The following CFAP61 variants were observed in gnomAD, a reference collection of about 807,000 sequenced individuals.
CFAP61 encodes cilia- and flagella-associated protein 61.
In CFAP61, 107 loss-of-function variants were observed where a neutral mutation model predicts 135.6. The observed-to-expected ratio is 0.79, with a 90% CI of 0.67 to 0.93. CFAP61 has a LOEUF of 0.93. Ranked by LOEUF, CFAP61 falls within the 40% of genes least tolerant of loss-of-function variation. CFAP61 has a pLI of 0.00. For missense variants in CFAP61, 1,507 were observed against 1,556.2 expected (o/e 0.97, Z 0.53); for synonymous variants, 575 against 578.5 (o/e 0.99, Z 0.09).
At chr20:20,207,285 A>C (rs1407766208) in intron 17 of CFAP61, among the ~76,000 whole-genome samples, 1 of 152,132 alleles carries the variant, frequency 6.6e-6, no homozygotes, top group Non-Finnish European at 1.5e-5. Flanking sequence ...TAGTAATATT[A>C]TTGCTGTTAA....
intron 17 of CFAP61, among the ~76,000 whole-genome samples, chr20:20,216,850 C>CT (rs2146928209): frequency 6.6e-6 from 1 of 151,684 alleles, no homozygotes; most frequent in South Asian, 2.1e-4. Context: ...GCGGTAAAGA[C>CT]TTAGATCTTT....
At chr20:20,177,724 A>C (rs981356723) in intron 13 of CFAP61, among the ~76,000 whole-genome samples, 4 of 150,978 alleles carry the variant, frequency 2.6e-5, no homozygotes, top group African/African-American at 4.9e-5. Flanking sequence ...GAAAGAGATC[A>C]AATGCACAGT....
chr20:20,275,174 A>G (rs1238400030), intron 21 of CFAP61, among the ~76,000 whole-genome samples: 2 of 152,204 alleles, frequency 1.3e-5, no homozygotes, highest in African/African-American at 4.8e-5. Context: ...GTAGCTGTCA[A>G]TCCAAGCAGG....
At chr20:20,092,809 G>A (rs1178817339) in intron 7 of CFAP61, among the ~76,000 whole-genome samples, 2 of 152,206 alleles carry the variant, frequency 1.3e-5, no homozygotes, top group Non-Finnish European at 2.9e-5. Context: ...CCTCTGCTAG[G>A]AGGGTTATAA....
chr20:20,215,464 A>T (rs1250063064), intron 17 of CFAP61, among the ~76,000 whole-genome samples: 1 of 152,232 alleles, frequency 6.6e-6, no homozygotes, highest in East Asian at 1.9e-4. Flanking sequence ...GAACAAGCAT[A>T]TTGGAGAAAT....
intron 6 of CFAP61, among the ~76,000 whole-genome samples, chr20:20,086,296 C>T (rs1440627060): frequency 6.8e-6 from 1 of 146,708 alleles, no homozygotes; most frequent in Non-Finnish European, 1.5e-5. Context: ...AGGTATATCT[C>T]CTAATGCTAT....
intron 2 of CFAP61, among the ~76,000 whole-genome samples, chr20:20,060,975 C>T (rs138512972): frequency 2.4e-4 from 36 of 152,322 alleles, no homozygotes; most frequent in African/African-American, 8.7e-4. Context: ...ATTTGATAGC[C>T]TGAGATACCG....
intron 9 of CFAP61, among the ~76,000 whole-genome samples, chr20:20,146,161 A>G (rs6035561): frequency 0.031 from 4,746 of 152,302 alleles, 190 homozygotes; most frequent in African/African-American, 0.089. Context: ...CTCAGTGTGT[A>G]GATTCACAGA....
chr20:20,344,114 C>A (rs917499409), intron 26 of CFAP61, among the ~76,000 whole-genome samples: 2 of 152,224 alleles, frequency 1.3e-5, no homozygotes, highest in South Asian at 4.1e-4. Context: ...ATGGGAAAGG[C>A]CACAGGAAGT....
chr20:20,338,280 C>T (rs2122353302), intron 25 of CFAP61, among the ~76,000 whole-genome samples: 1 of 152,322 alleles, frequency 6.6e-6, no homozygotes, highest in East Asian at 1.9e-4. Flanking sequence ...GCATCATTCT[C>T]TAAGGAAACC....
chr20:20,073,470 CA>C (rs1340920570), intron 3 of CFAP61, among the ~76,000 whole-genome samples: 1 of 152,128 alleles, frequency 6.6e-6, no homozygotes, highest in Non-Finnish European at 1.5e-5. Flanking sequence ...GAAAATTATT[CA>C]AAAAACAAGA....
chr20:20,306,154 A>T (rs577532227), intron 25 of CFAP61, among the ~76,000 whole-genome samples: 4 of 152,178 alleles, frequency 2.6e-5, no homozygotes, highest in Non-Finnish European at 5.9e-5. Context: ...AGGTGAGACC[A>T]TGTTTGAACT....
chr20:20,121,448 T>C (rs1334888732), intron 8 of CFAP61, among the ~76,000 whole-genome samples: 1 of 152,028 alleles, frequency 6.6e-6, no homozygotes, highest in Admixed American at 6.6e-5. Flanking sequence ...TCATTTAAAT[T>C]CATTGTTATT....
At chr20:20,329,377 G>A (rs2057894345) in intron 25 of CFAP61, among the ~76,000 whole-genome samples, 1 of 152,128 alleles carries the variant, frequency 6.6e-6, no homozygotes, top group Non-Finnish European at 1.5e-5. Context: ...TCTGTCCTGT[G>A]CTCCTGCTTC....
At chr20:20,083,569 C>T (rs1353277722) in intron 6 of CFAP61, among the ~76,000 whole-genome samples, 3 of 152,326 alleles carry the variant, frequency 2.0e-5, no homozygotes, top group Middle Eastern at 3.4e-3. Context: ...AAACTTTTAA[C>T]TCTTAAGGCA....
At chr20:20,309,149 T>C (rs2056662684) in intron 25 of CFAP61, among the ~76,000 whole-genome samples, 1 of 152,212 alleles carries the variant, frequency 6.6e-6, no homozygotes, top group Admixed American at 6.5e-5. Flanking sequence ...AGGTGCAGCA[T>C]TCTCCTTCTT....
At position 20,056,630 on chromosome 20, in the gene CFAP61, T is replaced by G. The variant is rs2044357610; in HGVS notation, c.-24T>G. The G allele has an allele frequency of 6.2e-7, 1 of 1,610,522 alleles. No individual in the cohort carries two copies. The highest frequency in any genetic ancestry group is 1.3e-5 in the African/African-American group (1 of 74,570). ...ATCAGATTAATAGTGGACTTTTTTC[T>G]CTCTTTTGGGGACAGGATAAAAAAT... On this transcript the variant is annotated 5_prime_UTR_variant, in exon 2 of 27. Coordinates refer to ENST00000245957, the MANE Select transcript of CFAP61 (RefSeq NM_015585.4).
At chr20:20,320,634 A>G (rs767020309) in intron 25 of CFAP61, among the ~76,000 whole-genome samples, 2 of 146,790 alleles carry the variant, frequency 1.4e-5, no homozygotes, top group Non-Finnish European at 3.0e-5. Flanking sequence ...GGAGAATGGT[A>G]GAAGGAACTA....
chr20:20,360,398 AG>A lies in CFAP61; in HGVS notation c.3704del (p.Gly1235AlafsTer35). 6.2e-7 allele frequency: 1 copy of A among 1,613,832 alleles called. No homozygotes were observed. The highest frequency in any genetic ancestry group is 8.5e-7 in the Non-Finnish European group (1 of 1,179,990). ...ACCACCTGCCCATGTACGCGTGGCC[AG>A]GCATCGTTTAGTTGTAGGCAGGGTC... ...RYHLPMYAWP[G>X]IV On this transcript the variant is annotated frameshift_variant, in exon 27 of 27. Coordinates refer to ENST00000245957, the MANE Select transcript of CFAP61 (RefSeq NM_015585.4). LOFTEE classifies it high-confidence loss of function.
Sources: allele counts gnomAD v4.1 joint callset (sites outside exome capture counted in the v4.1 genomes callset), GRCh38; gene constraint gnomAD v4.1.1; transcripts MANE v1.5; gene names NCBI Gene and HGNC (gene_info 2026-07-23, HGNC 2026-07-21).